Variants in MAP4K3 observed in about 807,000 individuals in gnomAD.
MAP4K3 encodes the protein mitogen-activated protein kinase kinase kinase kinase 3.
A neutral mutation model predicts 143.5 loss-of-function variants in MAP4K3; 94 were observed. The observed-to-expected ratio is 0.65, with a 90% CI of 0.55 to 0.78. MAP4K3 has a LOEUF of 0.78. Ranked by LOEUF, MAP4K3 falls within the 30% of genes least tolerant of loss-of-function variation. The pLI is 0.00. For missense variants in MAP4K3, 1,077 were observed against 1,068.1 expected, an observed-to-expected ratio of 1.01 and a Z score of -0.12; for synonymous variants, 416 against 347.2, an observed-to-expected ratio of 1.20 and a Z score of -2.20.
intron 2 of MAP4K3, among the ~76,000 whole-genome samples, chr2:39,365,137 C>A (rs1355454559): frequency 6.6e-6 from 1 of 152,084 alleles, no homozygotes; most frequent in Non-Finnish European, 1.5e-5. Flanking sequence ...TCTTTCAGGG[C>A]CTGCTATCTG....
intron 2 of MAP4K3, among the ~76,000 whole-genome samples, chr2:39,375,335 A>G (rs576010306): frequency 6.6e-6 from 1 of 152,176 alleles, no homozygotes; most frequent in South Asian, 2.1e-4. Flanking sequence ...TCCATACCCC[A>G]AATAAAACCG....
At position 39,267,119 on chromosome 2, in the gene MAP4K3, G is replaced by T; in HGVS notation, c.2032+70C>A. Reference sequence around the variant, plus strand: ...AGTATTGCTGGCAGAATGCCCTGGGGTAGTACTGTTTTATGCCAGATTTTA... The same window carrying T: ...AGTATTGCTGGCAGAATGCCCTGGGTTAGTACTGTTTTATGCCAGATTTTA... On this transcript the variant is annotated intron_variant, in intron 27 of 33. Coordinates refer to ENST00000263881, the MANE Select transcript of MAP4K3 (RefSeq NM_003618.4). 4 of 1,390,086 alleles carry T rather than the reference G, an allele frequency of 2.9e-6. No homozygotes were observed. In the Admixed American group the frequency reaches 5.0e-5, roughly 17 times the overall value. 86.1% of individuals were successfully genotyped at this position (1,390,086 alleles called of 1,614,324 possible). A position where few individuals can be genotyped will look rare whatever the true frequency, so the allele number is the denominator to read the frequency against.
chr2:39,275,355 A>C (rs992255111), intron 24 of MAP4K3, among the ~76,000 whole-genome samples: 1 of 152,158 alleles, frequency 6.6e-6, no homozygotes, highest in African/African-American at 2.4e-5. Flanking sequence ...GCATTGTGGC[A>C]TGTGGCTGTA....
intron 1 of MAP4K3, among the ~76,000 whole-genome samples, chr2:39,385,925 C>G (rs1321798720): frequency 6.6e-6 from 1 of 152,116 alleles, no homozygotes; most frequent in Non-Finnish European, 1.5e-5. Context: ...AGCCACTGCA[C>G]CCAGCCAAAT....
intron 1 of MAP4K3, among the ~76,000 whole-genome samples, chr2:39,433,937 T>C (rs1381157472): frequency 1.3e-5 from 2 of 152,198 alleles, no homozygotes; most frequent in African/African-American, 4.8e-5. Context: ...TAATAATATC[T>C]CCACAACAAA....
intron 16 of MAP4K3, chr2:39,293,878 A>C (rs1269846633): frequency 6.5e-6 from 1 of 152,736 alleles, no homozygotes; most frequent in Non-Finnish European, 1.5e-5. Flanking sequence ...ACGGGCAAAC[A>C]CATTTACACT....
chr2:39,405,165 C>G (rs375163420), intron 1 of MAP4K3, among the ~76,000 whole-genome samples: 3 of 152,222 alleles, frequency 2.0e-5, no homozygotes, highest in Admixed American at 1.3e-4. Flanking sequence ...AGTCCTGGTA[C>G]GGGTGGCAAC....
At chr2:39,260,807 C>A in intron 28 of MAP4K3, 30 bp from the exon 29 acceptor site, 1 of 1,494,600 alleles carries the variant, frequency 6.7e-7, no homozygotes, top group Non-Finnish European at 9.2e-7. Flanking sequence ...TACATTAAAC[C>A]AAGGAAAATA....
intron 1 of MAP4K3, among the ~76,000 whole-genome samples, chr2:39,414,429 A>G (rs865838457): frequency 1.6e-4 from 25 of 152,360 alleles, no homozygotes; most frequent in African/African-American, 5.3e-4. Flanking sequence ...AAATAATGTT[A>G]GGCAAATTTT....
chr2:39,312,613 T>C (rs1426019662), intron 13 of MAP4K3, among the ~76,000 whole-genome samples: 1 of 152,204 alleles, frequency 6.6e-6, no homozygotes, highest in Non-Finnish European at 1.5e-5. Context: ...TCTCCAGTTA[T>C]GTCTGGGTGT....
At chr2:39,405,540 C>T (rs1667070953) in intron 1 of MAP4K3, among the ~76,000 whole-genome samples, 1 of 152,152 alleles carries the variant, frequency 6.6e-6, no homozygotes, top group African/African-American at 2.4e-5. Flanking sequence ...GCATCAAGAC[C>T]ATCCAAGGAA....
intron 31 of MAP4K3, among the ~76,000 whole-genome samples, chr2:39,254,950 C>G (rs1429607230): frequency 1.3e-5 from 2 of 152,080 alleles, no homozygotes; most frequent in Non-Finnish European, 2.9e-5. Context: ...CGTGTATCCA[C>G]CACCCAACAA....
chr2:39,403,611 T>A (rs1438932393), intron 1 of MAP4K3, among the ~76,000 whole-genome samples: 1 of 152,084 alleles, frequency 6.6e-6, no homozygotes, highest in Non-Finnish European at 1.5e-5. Flanking sequence ...CTCCCCACCA[T>A]GGGATGAAGT....
At chr2:39,378,002 A>G (rs1666263864) in intron 2 of MAP4K3, 64 bp downstream of exon 2, 1 of 948,192 alleles carries the variant, frequency 1.1e-6, no homozygotes, top group Non-Finnish European at 1.7e-6. Context: ...ACATCATTAA[A>G]ATAAGCCTTA....
At chr2:39,260,949 C>A (rs575009397) in intron 28 of MAP4K3, 172 bp from the exon 29 acceptor site, 146 of 544,742 alleles carry the variant, frequency 2.7e-4, no homozygotes, top group Non-Finnish European at 4.1e-4. Flanking sequence ...TTAGGTTTAC[C>A]ACCGCAAAAT....
chr2:39,318,237 G>A (rs1018333449), intron 12 of MAP4K3, among the ~76,000 whole-genome samples: 3 of 152,076 alleles, frequency 2.0e-5, no homozygotes, highest in African/African-American at 7.2e-5. Flanking sequence ...AGACATAGGG[G>A]CCAACTTGAG....
chr2:39,337,598 T>C lies in MAP4K3; in HGVS notation c.311-17A>G, dbSNP rs775383802. The C allele has an allele frequency of 1.3e-6, 2 of 1,566,900 alleles. No individual in the cohort carries two copies. Among genetic ancestry groups the C allele is most frequent in the Non-Finnish European group, 1.8e-6 (2 of 1,139,752 alleles). ...GTCCAGTTACTGTAAAAGAAGACAA[T>C]TAATACTCATAAAATTAGTCAACGC... On this transcript the variant is annotated splice_polypyrimidine_tract_variant and intron_variant, in intron 4 of 33. Transcript: ENST00000263881.
At chr2:39,345,997 AGGT>A (rs1222887934) in intron 3 of MAP4K3, among the ~76,000 whole-genome samples, 1 of 151,222 alleles carries the variant, frequency 6.6e-6, no homozygotes, top group Non-Finnish European at 1.5e-5. Context: ...TGCAATTCAT[AGGT>A]GGTTCACATA....
At chr2:39,289,511 T>C (rs1353754747) in intron 19 of MAP4K3, among the ~76,000 whole-genome samples, 3 of 152,180 alleles carry the variant, frequency 2.0e-5, no homozygotes, top group African/African-American at 7.2e-5. Flanking sequence ...TTGAAATTAC[T>C]ATTTTAGAAT....
Sources: gnomAD v4.1 joint callset for allele counts (sites outside exome capture counted in the v4.1 genomes callset) on GRCh38, gnomAD v4.1.1 for gene constraint, MANE v1.5 for transcripts, NCBI Gene and HGNC (gene_info 2026-07-23, HGNC 2026-07-21) for gene names.